Variants in CTNNA2 observed in about 807,000 individuals in gnomAD.
CTNNA2 encodes catenin alpha 2, also known as catenin alpha-2.
Under a neutral mutation model 101.0 loss-of-function variants are expected in CTNNA2, and 42 were observed. The observed-to-expected ratio is 0.42, with a 90% CI of 0.32 to 0.54. The LOEUF is 0.54. Among genes scored for constraint, CTNNA2 ranks in the 20% least tolerant of loss-of-function variants. CTNNA2 has a pLI of 0.14. For synonymous variants in CTNNA2, 450 were observed against 456.4 expected (o/e 0.99, Z 0.18); for missense variants, 871 against 1,223.1 (o/e 0.71, Z 4.29).
chr2:80,402,081 C>A (rs1678601902), intron 8 of CTNNA2, among the ~76,000 whole-genome samples: 1 of 152,180 alleles, frequency 6.6e-6, no homozygotes, highest in African/African-American at 2.4e-5. Flanking sequence ...CCCATTATCC[C>A]TCCCTCAGGT....
chr2:80,455,650 G>C (rs904050591), intron 9 of CTNNA2, among the ~76,000 whole-genome samples: 1 of 152,144 alleles, frequency 6.6e-6, no homozygotes, highest in Non-Finnish European at 1.5e-5. Flanking sequence ...TTAAAGTGAA[G>C]AAAATAATAT....
chr2:80,124,961 GA>G (rs1487656828), intron 7 of CTNNA2, among the ~76,000 whole-genome samples: 1 of 152,138 alleles, frequency 6.6e-6, no homozygotes, highest in Non-Finnish European at 1.5e-5. Context: ...AGGCAGAGGG[GA>G]AGATTTAGCA....
intron 7 of CTNNA2, among the ~76,000 whole-genome samples, chr2:80,066,196 T>G (rs987357678): frequency 6.6e-6 from 1 of 152,194 alleles, no homozygotes; most frequent in East Asian, 1.9e-4. Context: ...CATTTTAGTG[T>G]GATGTAACCT....
chr2:79,772,937 T>TTGTAGCA (rs1415897826), intron 3 of CTNNA2, among the ~76,000 whole-genome samples: 2 of 152,246 alleles, frequency 1.3e-5, no homozygotes, highest in Admixed American at 1.3e-4. Flanking sequence ...GCATTTTCAG[T>TTGTAGCA]TGTTCTATCA....
At chr2:79,687,656 G>T in intron 2 of CTNNA2, 1 of 631,802 alleles carries the variant, frequency 1.6e-6, no homozygotes. Context: ...GTTGAATTGG[G>T]TAACTCTTTT....
rs556014957 is a variant in CTNNA2 at position 80,030,949 on chromosome 2, A to T, written c.1056+121152A>T. ...AAAATGAAAATAACAAAAATTAAAC[A>T]AATTTATTCTATCCAGTGATGGAAA... On this transcript the variant is annotated intron_variant, in intron 7 of 18. Transcript: ENST00000402739. 1.7e-4 allele frequency among the ~76,000 whole-genome samples: 26 copies of T among 152,340 alleles called. No individual in the cohort carries two copies. The South Asian group carries it at 5.2e-3, about 30-fold the overall frequency.
intron 7 of CTNNA2, among the ~76,000 whole-genome samples, chr2:80,003,128 AC>A (rs1367833683): frequency 6.6e-6 from 1 of 152,112 alleles, no homozygotes; most frequent in Admixed American, 6.5e-5. Flanking sequence ...AGATGGGAGA[AC>A]CATCGTCACC....
chr2:80,063,007 AG>A (rs1054124568), intron 7 of CTNNA2, among the ~76,000 whole-genome samples: 1 of 151,984 alleles, frequency 6.6e-6, no homozygotes. Context: ...GCCCGGCCAA[AG>A]CACTGTGGCC....
intron 7 of CTNNA2, among the ~76,000 whole-genome samples, chr2:80,260,965 G>A (rs1376840992): frequency 6.6e-6 from 1 of 152,124 alleles, no homozygotes; most frequent in Non-Finnish European, 1.5e-5. Flanking sequence ...TGGAAGGATA[G>A]ACCTAGTCTC....
At chr2:80,194,415 G>A (rs1425159895) in intron 7 of CTNNA2, among the ~76,000 whole-genome samples, 1 of 151,978 alleles carries the variant, frequency 6.6e-6, no homozygotes, top group Admixed American at 6.6e-5. Context: ...ACTAAGTTTA[G>A]CAGTGCTTCA....
intron 9 of CTNNA2, among the ~76,000 whole-genome samples, chr2:80,484,993 G>A (rs1430234267): frequency 2.0e-5 from 3 of 152,006 alleles, no homozygotes; most frequent in Admixed American, 6.6e-5. Flanking sequence ...GTGACAGAGC[G>A]AGACTCCGTC....
intron 9 of CTNNA2, among the ~76,000 whole-genome samples, chr2:80,443,926 A>C (rs969011283): frequency 6.6e-6 from 1 of 152,216 alleles, no homozygotes; most frequent in Non-Finnish European, 1.5e-5. Flanking sequence ...GCATTTTTAT[A>C]CATCCCCACT....
intron 3 of CTNNA2, among the ~76,000 whole-genome samples, chr2:79,328,265 G>A (rs1676792159): frequency 2.6e-5 from 4 of 152,156 alleles, no homozygotes; most frequent in Admixed American, 2.6e-4. Flanking sequence ...AAGGGAAGGA[G>A]AGGAAGCATG....
At chr2:80,158,669 G>A (rs1451044572) in intron 7 of CTNNA2, among the ~76,000 whole-genome samples, 5 of 152,134 alleles carry the variant, frequency 3.3e-5, no homozygotes, top group African/African-American at 4.8e-5. Flanking sequence ...CAATACTTTG[G>A]GAGGCTGAAG....
chr2:80,232,333 G>T lies in CTNNA2; in HGVS notation c.1057-160878G>T, dbSNP rs1420003325. ...TACAGAATTTGGGTTTTGTTTGTTT[G>T]TTTGTTTGTTTGTTTTTTTTTTTTT... On this transcript the variant is annotated intron_variant, in intron 7 of 18. Coordinates refer to ENST00000402739, the MANE Select transcript of CTNNA2 (RefSeq NM_001282597.3). Among the ~76,000 whole-genome samples, 12 of 45,324 alleles carry T rather than the reference G, an allele frequency of 2.6e-4. No homozygotes were observed. The South Asian group carries it at 3.2e-3, about 12-fold the overall frequency. The allele number at this position is 45,324 out of a possible 152,430, so 29.7% of individuals were successfully genotyped here. A position where few individuals can be genotyped will look rare whatever the true frequency, so the allele number is the denominator to read the frequency against.
intron 7 of CTNNA2, among the ~76,000 whole-genome samples, chr2:80,027,326 G>A (rs1406290243): frequency 3.3e-5 from 5 of 152,220 alleles, no homozygotes; most frequent in African/African-American, 1.2e-4. Context: ...TGGTTGAAAT[G>A]TAATGGAGGT....
chr2:79,865,907 G>A (rs1201440873), intron 4 of CTNNA2, among the ~76,000 whole-genome samples: 1 of 152,140 alleles, frequency 6.6e-6, no homozygotes, highest in Non-Finnish European at 1.5e-5. Context: ...TTTTAGTAGA[G>A]ACTGAGTTTC....
chr2:80,332,084 C>G (rs923268566), intron 7 of CTNNA2, among the ~76,000 whole-genome samples: 8 of 152,088 alleles, frequency 5.3e-5, no homozygotes, highest in African/African-American at 1.9e-4. Context: ...CAGCCTTGGT[C>G]TAATTGCTCT....
chr2:80,108,342 A>T (rs997397211), intron 7 of CTNNA2, among the ~76,000 whole-genome samples: 5 of 152,130 alleles, frequency 3.3e-5, no homozygotes, highest in African/African-American at 1.2e-4. Flanking sequence ...AAATATCAGG[A>T]CCCACATTAA....
Sources: allele counts gnomAD v4.1 joint callset (sites outside exome capture counted in the v4.1 genomes callset), GRCh38; gene constraint gnomAD v4.1.1; transcripts MANE v1.5; gene names NCBI Gene and HGNC (gene_info 2026-07-23, HGNC 2026-07-21).